The following SPECC1 variants were observed in gnomAD, a reference collection of about 807,000 sequenced individuals.
SPECC1 encodes sperm antigen with calponin homology and coiled-coil domains 1.
A neutral mutation model predicts 104.1 loss-of-function variants in SPECC1; 62 were observed. The observed-to-expected ratio is 0.60, with a 90% CI of 0.49 to 0.74. The LOEUF is 0.74. Among genes scored for constraint, SPECC1 ranks in the 30% least tolerant of loss-of-function variants. The pLI, the probability that SPECC1 is intolerant of heterozygous loss-of-function variation, is 0.00. For synonymous variants in SPECC1, 513 were observed against 501.6 expected, an observed-to-expected ratio of 1.02 and a Z score of -0.30; for missense variants, 1,306 against 1,310.5, an observed-to-expected ratio of 1.00 and a Z score of 0.05.
intron 7 of SPECC1, chr17:20,238,180 GATGTT>G: frequency 9.7e-7 from 1 of 1,035,684 alleles, no homozygotes; most frequent in Non-Finnish European, 1.2e-6. Context: ...GATCATAAAG[GATGTT>G]ATTAAGCCGG....
chr17:20,025,308 A>G (rs192619037), intron 1 of SPECC1, among the ~76,000 whole-genome samples: 3 of 152,294 alleles, frequency 2.0e-5, no homozygotes, highest in Admixed American at 1.3e-4. Context: ...GAGGAAATCA[A>G]TTTCTATGTT....
Position 20,231,762 on chromosome 17 carries a change from T to G in SPECC1, c.2076T>G (p.Ser692Arg), listed in dbSNP as rs144677564. ...NNQLISELESSVIKLEEQKSD... is the reference protein window; with the variant it reads ...NNQLISELESRVIKLEEQKSD... ...GTCTGAATTATTTATTTCTAGGTAGTGTGATCAAGCTGGAGGAACAGAAGT... is the reference window on the plus strand; with the variant it reads ...GTCTGAATTATTTATTTCTAGGTAGGGTGATCAAGCTGGAGGAACAGAAGT... Residue 692 changes from serine to arginine, a missense_variant, in exon 6 of 15, where the codon AGT (serine) becomes AGG (arginine). Physicochemically the swap from Ser to Arg is moderately radical, Grantham distance 110. Transcript: ENST00000395527. 4.0e-5 allele frequency: 65 copies of G among 1,613,994 alleles called. No individual in the cohort carries two copies. The African/African-American group carries it at 8.3e-4, about 21-fold the overall frequency.
intron 1 of SPECC1, among the ~76,000 whole-genome samples, chr17:20,072,427 C>T (rs558510937): frequency 1.3e-5 from 2 of 152,346 alleles, no homozygotes; most frequent in South Asian, 2.1e-4. Context: ...TGGGGAGTCA[C>T]CCAGATGAGT....
chr17:20,173,935 T>G (rs1461081124), intron 3 of SPECC1, among the ~76,000 whole-genome samples: 1 of 152,152 alleles, frequency 6.6e-6, no homozygotes, highest in Non-Finnish European at 1.5e-5. Flanking sequence ...GGTGTTTTTT[T>G]TTTTTGTTTT....
Position 20,110,486 on chromosome 17 carries a change from G to A in SPECC1, c.207G>A (p.Gly69=), listed in dbSNP as rs777918758. Reference sequence around the variant, plus strand: ...AGCCAGGAAGTACCGCTGCATCGGGGGTGGTTCGCCTGAAGAAGACCGCCA... The same window carrying A: ...AGCCAGGAAGTACCGCTGCATCGGGAGTGGTTCGCCTGAAGAAGACCGCCA... ...LNKPGSTAAS[G]VVRLKKTATA... Residue 69 remains glycine (G), a synonymous_variant, in exon 3 of 15, where the codon GGG becomes GGA. Coordinates refer to ENST00000395527, the MANE Select transcript of SPECC1 (RefSeq NM_001243439.2). 1.2e-6 allele frequency: 2 copies of A among 1,614,034 alleles called. No homozygotes were observed. The highest frequency in any genetic ancestry group is 8.5e-7 in the Non-Finnish European group (1 of 1,180,000).
In SPECC1 at chr17:20,110,320, A is replaced by G. The variant is rs2048422489; in HGVS notation, c.148-107A>G. On this transcript the variant is annotated intron_variant, in intron 2 of 14. Transcript: ENST00000395527. ...ATGCTACTCAAAGTGCTGTTATTGT[A>G]TCTTGACTGCTGGGCACATAGCCCA... 15 of 1,328,048 alleles carry G rather than the reference A, an allele frequency of 1.1e-5. No homozygotes were observed. In the South Asian group the frequency reaches 1.7e-4, roughly 15 times the overall value. 82.3% of individuals were successfully genotyped at this position (1,328,048 alleles called of 1,614,324 possible).
chr17:20,187,808 A>G (rs1280206230), intron 3 of SPECC1, among the ~76,000 whole-genome samples: 3 of 152,206 alleles, frequency 2.0e-5, no homozygotes, highest in African/African-American at 4.8e-5. Flanking sequence ...AGTTTATCCA[A>G]TGAATGGACC....
rs958804146 is a variant in SPECC1 at position 20,318,241 on chromosome 17, C to G, written c.*4176C>G. The G allele has an allele frequency of 1.3e-5, 3 of 232,422 alleles. No homozygotes were observed. The highest frequency in any genetic ancestry group is 4.4e-5 in the African/African-American group (2 of 45,322). The allele number at this position is 232,422 out of a possible 1,614,324, so 14.4% of individuals were successfully genotyped here. ...TTTTTCAAGGTGAGAAGTCGCTGTTCTCTGCATTGAACATGGATTGAATTT... is the reference window on the plus strand; with the variant it reads ...TTTTTCAAGGTGAGAAGTCGCTGTTGTCTGCATTGAACATGGATTGAATTT... On this transcript the variant is annotated 3_prime_UTR_variant, in exon 15 of 15. Coordinates refer to ENST00000395527, the MANE Select transcript of SPECC1 (RefSeq NM_001243439.2).
intron 12 of SPECC1, 40 bp downstream of exon 12, chr17:20,260,334 C>A: frequency 6.4e-7 from 1 of 1,572,640 alleles, no homozygotes; most frequent in African/African-American, 1.3e-5. Context: ...TGCCCCTGGG[C>A]AGTAGTAGTC....
At chr17:20,239,124 A>G (rs1008914829) in intron 7 of SPECC1, 8 of 1,016,382 alleles carry the variant, frequency 7.9e-6, no homozygotes, top group African/African-American at 2.0e-5. Flanking sequence ...TTTTGCATAA[A>G]TTTTTAAAAC....
At chr17:20,296,244 G>A (rs1396021741) in intron 12 of SPECC1, among the ~76,000 whole-genome samples, 3 of 152,204 alleles carry the variant, frequency 2.0e-5, no homozygotes, top group Admixed American at 6.5e-5. Flanking sequence ...CATATGGCTA[G>A]CCAGTTTTCC....
rs577477647 is a variant in SPECC1 at position 20,179,649 on chromosome 17, G to A, written c.284-24684G>A. 2.0e-5 allele frequency among the ~76,000 whole-genome samples: 3 copies of A among 152,246 alleles called. No individual in the cohort carries two copies. In the East Asian group the frequency reaches 5.8e-4, roughly 29 times the overall value. On this transcript the variant is annotated intron_variant, in intron 3 of 14. Transcript: ENST00000395527. ...CCCAGATATAATTCAGCGAACCAGG[G>A]CAAAAGAAGAATATTTTTAGCCATG...
chr17:20,307,026 T>G (rs2041787747), intron 14 of SPECC1, among the ~76,000 whole-genome samples: 1 of 152,148 alleles, frequency 6.6e-6, no homozygotes, highest in Non-Finnish European at 1.5e-5. Flanking sequence ...GTAAAAAGAA[T>G]CTAACACTTC....
intron 3 of SPECC1, among the ~76,000 whole-genome samples, chr17:20,183,402 G>A (rs2035043531): frequency 6.6e-6 from 1 of 152,158 alleles, no homozygotes; most frequent in Non-Finnish European, 1.5e-5. Flanking sequence ...CGTTGCAAAT[G>A]TAGGAAAAGT....
intron 4 of SPECC1, among the ~76,000 whole-genome samples, chr17:20,217,411 G>A (rs1296281603): frequency 6.6e-6 from 1 of 152,058 alleles, no homozygotes; most frequent in Non-Finnish European, 1.5e-5. Context: ...CCTCCCCCAT[G>A]CCGAGTTACC....
At chr17:20,264,742 G>A (rs2040161013) in intron 12 of SPECC1, among the ~76,000 whole-genome samples, 2 of 151,942 alleles carry the variant, frequency 1.3e-5, no homozygotes. Flanking sequence ...AAAGTGCTGG[G>A]ATTACAGGTT....
At chr17:20,277,676 C>A (rs144359985) in intron 12 of SPECC1, among the ~76,000 whole-genome samples, 1 of 152,176 alleles carries the variant, frequency 6.6e-6, no homozygotes, top group South Asian at 2.1e-4. Flanking sequence ...TTTCTATTTC[C>A]GAAATGTTTT....
intron 1 of SPECC1, among the ~76,000 whole-genome samples, chr17:20,079,377 G>A (rs2046880659): frequency 6.6e-6 from 1 of 152,178 alleles, no homozygotes; most frequent in South Asian, 2.1e-4. Context: ...ATAGCTCACT[G>A]CAGCCTCAAC....
At chr17:20,081,096 CT>C (rs893336047) in intron 1 of SPECC1, among the ~76,000 whole-genome samples, 1 of 152,166 alleles carries the variant, frequency 6.6e-6, no homozygotes, top group Non-Finnish European at 1.5e-5. Flanking sequence ...GGGTCTTTTC[CT>C]TCCTGCTGGG....
Sources: allele counts gnomAD v4.1 joint callset (sites outside exome capture counted in the v4.1 genomes callset), GRCh38; gene constraint gnomAD v4.1.1; transcripts MANE v1.5; gene names NCBI Gene and HGNC (gene_info 2026-07-23, HGNC 2026-07-21).